Variants in MITF observed in about 807,000 individuals in gnomAD.
The protein encoded by MITF is melanocyte inducing transcription factor, also known as microphthalmia-associated transcription factor.
A neutral mutation model predicts 60.5 loss-of-function variants in MITF; 17 were observed. That is an observed-to-expected ratio of 0.28 (90% confidence interval 0.19 to 0.42). MITF has a LOEUF of 0.42. Among genes scored for constraint, MITF ranks in the 10% least tolerant of loss-of-function variants. The pLI is 1.00. For missense variants in MITF, 622 were observed against 683.5 expected, an observed-to-expected ratio of 0.91 and a Z score of 1.00; for synonymous variants, 260 against 248.5, an observed-to-expected ratio of 1.05 and a Z score of -0.43.
intron 1 of MITF, among the ~76,000 whole-genome samples, chr3:69,801,662 C>T (rs1215687880): frequency 6.6e-6 from 1 of 152,088 alleles, no homozygotes; most frequent in African/African-American, 2.4e-5. Context: ...AGATTCCATG[C>T]AGTAGGAAGG....
intron 2 of MITF, among the ~76,000 whole-genome samples, chr3:69,906,267 T>C (rs2065096748): frequency 6.6e-6 from 1 of 152,142 alleles, no homozygotes; most frequent in Non-Finnish European, 1.5e-5. Context: ...CAGTTGATTA[T>C]ATGTGTGGGT....
intron 1 of MITF, among the ~76,000 whole-genome samples, chr3:69,819,668 C>T (rs2063236103): frequency 6.6e-6 from 1 of 151,898 alleles, no homozygotes; most frequent in Admixed American, 6.6e-5. Context: ...ACAAAAAAAC[C>T]ATGAGACTGG....
chr3:69,801,177 TAGCCA>T (rs1348896121), intron 1 of MITF, among the ~76,000 whole-genome samples: 1 of 152,132 alleles, frequency 6.6e-6, no homozygotes, highest in Non-Finnish European at 1.5e-5. Context: ...CGGCTGACGT[TAGCCA>T]AGCTCATTTT....
At chr3:69,808,995 G>A (rs1396093806) in intron 1 of MITF, among the ~76,000 whole-genome samples, 1 of 152,088 alleles carries the variant, frequency 6.6e-6, no homozygotes, top group African/African-American at 2.4e-5. Flanking sequence ...GGGAGACTAT[G>A]ATGACTTTAG....
intron 1 of MITF, among the ~76,000 whole-genome samples, chr3:69,794,131 C>A (rs2062789836): frequency 6.6e-6 from 1 of 152,218 alleles, no homozygotes; most frequent in Non-Finnish European, 1.5e-5. Flanking sequence ...CCCCCAACTT[C>A]TGGCCTTGAG....
chr3:69,754,523 C>T (rs982300494), intron 1 of MITF, among the ~76,000 whole-genome samples: 24 of 152,138 alleles, frequency 1.6e-4, no homozygotes, highest in Middle Eastern at 3.2e-3. Context: ...ACTTTGCCTT[C>T]TGCCATGATT....
chr3:69,781,480 G>A (rs982141269), intron 1 of MITF, among the ~76,000 whole-genome samples: 77 of 152,224 alleles, frequency 5.1e-4, no homozygotes, highest in African/African-American at 1.8e-3. Context: ...TGATTGTAAA[G>A]ACGACACCAG....
In MITF at chr3:69,939,195, T is replaced by C; in HGVS notation, c.666+14T>C. 1 of 1,611,602 alleles carries C rather than the reference T, an allele frequency of 6.2e-7. No individual in the cohort carries two copies. Among genetic ancestry groups the C allele is most frequent in the Non-Finnish European group, 8.5e-7 (1 of 1,177,870 alleles). On this transcript the variant is annotated intron_variant, in intron 4 of 9. Transcript: ENST00000352241. ...TCCTGTATGCAGGTACTGAATGACT[T>C]GGCAGCCTGAGGATGAACACTTTGT...
intron 1 of MITF, among the ~76,000 whole-genome samples, chr3:69,797,430 A>G (rs2062849367): frequency 6.6e-6 from 1 of 152,186 alleles, no homozygotes; most frequent in Admixed American, 6.5e-5. Flanking sequence ...ACAGAAAAGA[A>G]ATGGATTCTT....
At position 69,784,164 on chromosome 3, in the gene MITF, TTTGTTG is replaced by T. The variant is rs372749718; in HGVS notation, c.104+44487_104+44492del. ...CCATTGGGGAAGAGTTGCTTTTTGT[TTTGTTG>T]TTGTTGTTGTTGTTGTTGTTGTTTA... On this transcript the variant is annotated intron_variant, in intron 1 of 9. Coordinates refer to ENST00000352241, the MANE Select transcript of MITF (RefSeq NM_001354604.2). 6.9e-4 allele frequency among the ~76,000 whole-genome samples: 105 copies of T among 151,818 alleles called. 1 individual carries two copies. The highest frequency in any genetic ancestry group is 1.3e-3 in the Non-Finnish European group (88 of 67,914).
intron 1 of MITF, among the ~76,000 whole-genome samples, chr3:69,753,323 A>G (rs1704004454): frequency 6.6e-6 from 1 of 152,334 alleles, no homozygotes; most frequent in Middle Eastern, 3.4e-3. Flanking sequence ...ATTTCAGAGG[A>G]TGTATGGAAA....
At chr3:69,785,301 A>G (rs183547385) in intron 1 of MITF, among the ~76,000 whole-genome samples, 2 of 152,240 alleles carry the variant, frequency 1.3e-5, no homozygotes, top group Admixed American at 6.5e-5. Flanking sequence ...GCAGTAATTT[A>G]ACAGCAGTAG....
intron 3 of MITF, chr3:69,938,586 A>C (rs1184257949): frequency 7.3e-7 from 1 of 1,375,812 alleles, no homozygotes; most frequent in East Asian, 2.7e-5. Flanking sequence ...TGCTGGATAC[A>C]TTCTGTTTCA....
intron 1 of MITF, among the ~76,000 whole-genome samples, chr3:69,872,642 A>G (rs1044723081): frequency 1.3e-5 from 2 of 152,146 alleles, no homozygotes; most frequent in African/African-American, 4.8e-5. Context: ...TGGGAAACTT[A>G]TTAAGGTTCT....
At chr3:69,754,902 T>C (rs1248271958) in intron 1 of MITF, among the ~76,000 whole-genome samples, 1 of 151,898 alleles carries the variant, frequency 6.6e-6, no homozygotes, top group East Asian at 1.9e-4. Flanking sequence ...AAAAAACGAC[T>C]CAAAGGCAAT....
At chr3:69,839,461 TG>T (rs2063593286) in intron 1 of MITF, among the ~76,000 whole-genome samples, 1 of 151,624 alleles carries the variant, frequency 6.6e-6, no homozygotes, top group African/African-American at 2.4e-5. Flanking sequence ...TTTCTTCCGG[TG>T]CCTAGCATAG....
chr3:69,932,996 T>C (rs1312392906), intron 2 of MITF, among the ~76,000 whole-genome samples: 2 of 152,096 alleles, frequency 1.3e-5, no homozygotes, highest in African/African-American at 4.8e-5. Context: ...AAGTGATAAA[T>C]CTGAACATTT....
At chr3:69,928,218 T>C (rs1465335053) in intron 2 of MITF, among the ~76,000 whole-genome samples, 1 of 152,244 alleles carries the variant, frequency 6.6e-6, no homozygotes, top group Non-Finnish European at 1.5e-5. Flanking sequence ...CTTAGAAAAG[T>C]TCTTGAAAAG....
At chr3:69,841,202 A>G (rs2063630917) in intron 1 of MITF, among the ~76,000 whole-genome samples, 1 of 152,266 alleles carries the variant, frequency 6.6e-6, no homozygotes. Flanking sequence ...GTAATTTATT[A>G]AACCCTTAAA....
Sources: allele counts gnomAD v4.1 joint callset (sites outside exome capture counted in the v4.1 genomes callset), GRCh38; gene constraint gnomAD v4.1.1; transcripts MANE v1.5; gene names NCBI Gene and HGNC (gene_info 2026-07-23, HGNC 2026-07-21).